DZIP3: variants seen among roughly 807,000 people sequenced by gnomAD.
The protein encoded by DZIP3 is E3 ubiquitin-protein ligase DZIP3.
In DZIP3, 118 loss-of-function variants were observed where a neutral mutation model predicts 162.0. The ratio of observed to expected loss-of-function variants is 0.73; its 90% CI spans 0.63 to 0.85. The LOEUF is 0.85. Ranked by LOEUF, DZIP3 falls within the 40% of genes least tolerant of loss-of-function variation. DZIP3 has a pLI of 0.00. For synonymous variants in DZIP3, 438 were observed against 458.6 expected (o/e 0.96, Z 0.57); for missense variants, 1,331 against 1,407.0 (o/e 0.95, Z 0.86).
intron 26 of DZIP3, among the ~76,000 whole-genome samples, chr3:108,681,582 A>G (rs1464196412): frequency 6.6e-6 from 1 of 152,070 alleles, no homozygotes; most frequent in Non-Finnish European, 1.5e-5. Context: ...ATTACTAGAT[A>G]TATACCCAAA....
intron 1 of DZIP3, chr3:108,603,302 A>G (rs1940136113): frequency 6.6e-6 from 1 of 152,218 alleles, no homozygotes; most frequent in East Asian, 1.9e-4. Flanking sequence ...AGAAACCATA[A>G]AAGTAGTTTG....
At chr3:108,648,872 G>T in intron 16 of DZIP3, 46 bp from the exon 17 acceptor site, 1 of 1,051,674 alleles carries the variant, frequency 9.5e-7, no homozygotes, top group Non-Finnish European at 1.3e-6. Flanking sequence ...ATAACCCATT[G>T]GGCAATTTGA....
intron 3 of DZIP3, among the ~76,000 whole-genome samples, chr3:108,608,424 C>A (rs1358791151): frequency 6.6e-6 from 1 of 151,936 alleles, no homozygotes; most frequent in African/African-American, 2.4e-5. Context: ...AGAAATAACC[C>A]AACAATCATT....
chr3:108,632,575 T>C (rs1456106663), intron 8 of DZIP3, among the ~76,000 whole-genome samples: 1 of 152,220 alleles, frequency 6.6e-6, no homozygotes, highest in Non-Finnish European at 1.5e-5. Flanking sequence ...CAGCCAAGAT[T>C]CTCTTGGACA....
In DZIP3 at chr3:108,605,372, T is replaced by C. The variant is rs773447289; in HGVS notation, c.-35T>C. Reference sequence around the variant, plus strand: ...GTATTTAAAGTCAGTTGGCAAGCAGTGGAATAAGATTTTTGTAAAGAAACC... The same window carrying C: ...GTATTTAAAGTCAGTTGGCAAGCAGCGGAATAAGATTTTTGTAAAGAAACC... On this transcript the variant is annotated 5_prime_UTR_variant, in exon 2 of 33. Transcript: ENST00000361582. 1 of 1,612,966 alleles carries C rather than the reference T, an allele frequency of 6.2e-7. No individual in the cohort carries two copies. Among genetic ancestry groups the C allele is most frequent in the Non-Finnish European group, 8.5e-7 (1 of 1,179,510 alleles).
At position 108,661,288 on chromosome 3, in the gene DZIP3, C is replaced by T. The variant is rs1263319174; in HGVS notation, c.2200-589C>T. Among the ~76,000 whole-genome samples the T allele has an allele frequency of 8.5e-5, 13 of 152,166 alleles. No individual in the cohort carries two copies. The East Asian group carries it at 9.6e-4, about 11-fold the overall frequency. On this transcript the variant is annotated intron_variant, in intron 19 of 32. Coordinates refer to ENST00000361582, the MANE Select transcript of DZIP3 (RefSeq NM_014648.4). ...AAGGAAATGTGGCACATATACACCA[C>T]GGAATACTATGCAGCCATAAAAAAT...
chr3:108,629,146 A>G lies in DZIP3; in HGVS notation c.666A>G (p.Thr222=). The change falls in exon 8 of 33, where the codon ACA becomes ACG. Residue 222 remains threonine, a synonymous_variant. Coordinates refer to ENST00000361582, the MANE Select transcript of DZIP3 (RefSeq NM_014648.4). ...ACCATTGGTTTGACATAGATCCTAC[A>G]GAAGATGAAGATTTACCTACAACTT... is the stretch of plus-strand genomic sequence containing the variant. ...KNDHWFDIDP[T]EDEDLPTTFK... 2 of 1,591,616 alleles carry G rather than the reference A, an allele frequency of 1.3e-6. No individual in the cohort carries two copies. Among genetic ancestry groups the G allele is most frequent in the South Asian group, 1.2e-5 (1 of 85,942 alleles).
intron 19 of DZIP3, among the ~76,000 whole-genome samples, chr3:108,658,314 G>A (rs1175038969): frequency 2.0e-5 from 3 of 152,114 alleles, no homozygotes; most frequent in Non-Finnish European, 2.9e-5. Flanking sequence ...TGCAATCAAA[G>A]TAGAACTCAA....
Position 108,655,674 on chromosome 3 carries a change from G to A in DZIP3, c.2199+1364G>A, listed in dbSNP as rs546904074. Among the ~76,000 whole-genome samples, 71 of 152,262 alleles carry A rather than the reference G, an allele frequency of 4.7e-4. 1 individual carries two copies. The highest frequency in any genetic ancestry group is 2.1e-3 in the East Asian group (11 of 5,160). ...TTCAGGACAGTGGGTGCGGCGCACC[G>A]AGTGTGAGCCAAAGCAGGGCGAGGC... On this transcript the variant is annotated intron_variant, in intron 19 of 32. Coordinates refer to ENST00000361582, the MANE Select transcript of DZIP3 (RefSeq NM_014648.4).
Position 108,644,180 on chromosome 3 carries a change from C to A in DZIP3, c.1158C>A (p.Phe386Leu). 1 of 1,599,266 alleles carries A rather than the reference C, an allele frequency of 6.3e-7. No individual in the cohort carries two copies. Among genetic ancestry groups the A allele is most frequent in the South Asian group, 1.1e-5 (1 of 88,586 alleles). ...KFNTKDEMPIFKLDYNYFYHL... is the reference protein window; with the variant it reads ...KFNTKDEMPILKLDYNYFYHL... The stretch of plus-strand genomic sequence containing the variant: ...TATTTTCAGATGAAATGCCTATCTT[C>A]AAGCTTGATTATAATTATTTCTATC... Residue 386 changes from phenylalanine to leucine, a missense_variant, in exon 14 of 33, where the codon TTC becomes TTA. Transcript: ENST00000361582.
At chr3:108,616,108 CAA>C (rs1940989914) in intron 4 of DZIP3, among the ~76,000 whole-genome samples, 1 of 151,880 alleles carries the variant, frequency 6.6e-6, no homozygotes, top group African/African-American at 2.4e-5. Context: ...ACTAAAAATA[CAA>C]AAAATTAGCC....
chr3:108,589,579 G>T, upstream of DZIP3: 2 of 481,654 alleles, frequency 4.2e-6, no homozygotes, highest in Non-Finnish European at 3.7e-6. Flanking sequence ...GGTGATTTGT[G>T]GGTCCAGGAC....
intron 21 of DZIP3, among the ~76,000 whole-genome samples, chr3:108,668,116 A>G (rs1161840395): frequency 6.6e-6 from 1 of 152,078 alleles, no homozygotes; most frequent in African/African-American, 2.4e-5. Flanking sequence ...GCCTAATTCA[A>G]TTTGGTATGT....
At chr3:108,650,912 G>A (rs1005956638) in intron 17 of DZIP3, among the ~76,000 whole-genome samples, 1 of 151,368 alleles carries the variant, frequency 6.6e-6, no homozygotes, top group Non-Finnish European at 1.5e-5. Flanking sequence ...AAATACTAGA[G>A]TTCATCACAT....
At chr3:108,664,330 C>T (rs1943579533) in intron 21 of DZIP3, among the ~76,000 whole-genome samples, 1 of 152,216 alleles carries the variant, frequency 6.6e-6, no homozygotes, top group Non-Finnish European at 1.5e-5. Flanking sequence ...CACACCACCC[C>T]TTGGAAGTAG....
intron 26 of DZIP3, among the ~76,000 whole-genome samples, chr3:108,681,433 G>C (rs778091283): frequency 2.0e-5 from 3 of 152,128 alleles, no homozygotes; most frequent in Non-Finnish European, 2.9e-5. Flanking sequence ...GGAAACAACA[G>C]ATACTAGAGA....
At chr3:108,599,641 C>G (rs1480604319) in intron 1 of DZIP3, among the ~76,000 whole-genome samples, 3 of 152,130 alleles carry the variant, frequency 2.0e-5, no homozygotes, top group East Asian at 3.9e-4. Flanking sequence ...TGTGTCCCCC[C>G]TCATTCAGTG....
intron 14 of DZIP3, 145 bp downstream of exon 14, chr3:108,644,926 G>C: frequency 1.3e-6 from 1 of 766,226 alleles, no homozygotes; most frequent in African/African-American, 1.8e-5. Flanking sequence ...AGAAATTATA[G>C]TGCTAGAGAT....
Position 108,688,810 on chromosome 3 carries a change from G to A in DZIP3, c.3415-13G>A, listed in dbSNP as rs778590206. On this transcript the variant is annotated splice_polypyrimidine_tract_variant and intron_variant, in intron 30 of 32. Coordinates refer to ENST00000361582, the MANE Select transcript of DZIP3 (RefSeq NM_014648.4). ...CAATGAGCTAAATTTAACATTTTCTGTATTTTCCCTAGGATGAGGAAGAGG... is the reference window on the plus strand; with the variant it reads ...CAATGAGCTAAATTTAACATTTTCTATATTTTCCCTAGGATGAGGAAGAGG... 3 of 1,614,006 alleles carry A rather than the reference G, an allele frequency of 1.9e-6. No individual in the cohort carries two copies. Among genetic ancestry groups the A allele is most frequent in the African/African-American group, 1.3e-5 (1 of 75,024 alleles).
Sources: gnomAD v4.1 joint callset for allele counts (sites outside exome capture counted in the v4.1 genomes callset) on GRCh38, gnomAD v4.1.1 for gene constraint, MANE v1.5 for transcripts, NCBI Gene and HGNC (gene_info 2026-07-23, HGNC 2026-07-21) for gene names.